VAMP1: variants seen among roughly 807,000 people sequenced by gnomAD.
VAMP1 encodes vesicle-associated membrane protein 1.
VAMP1 carries 16 observed loss-of-function variants against 19.1 expected under a neutral mutation model. The ratio of observed to expected loss-of-function variants is 0.84; its 90% confidence interval spans 0.57 to 1.27. The LOEUF (loss-of-function observed/expected upper bound fraction) is 1.27, where lower values mean the gene tolerates loss of function less well. Ranked by LOEUF, VAMP1 falls within the 50% of genes most tolerant of loss-of-function variation. The pLI, the probability that VAMP1 is intolerant of heterozygous loss-of-function variation, is 0.00. For synonymous variants in VAMP1, 37 were observed against 50.2 expected, an observed-to-expected ratio of 0.74 and a Z score of 1.11; for missense variants, 109 against 145.4, an observed-to-expected ratio of 0.75 and a Z score of 1.29.
At position 6,463,896 on chromosome 12, in the gene VAMP1, TAACTA is replaced by T. The variant is rs1485331581; in HGVS notation, c.*569_*573del. On this transcript the variant is annotated 3_prime_UTR_variant, in exon 5 of 5. Transcript: ENST00000396308. The surrounding 1 kb of genome is among the most constrained non-coding windows in gnomAD (Gnocchi z 4.0). ...AAATCCTGGACGAACAGATTAGAAA[TAACTA>T]CAAAAAACAAGTTTTTACTTTCGAA... is the stretch of plus-strand genomic sequence containing the variant. 1.2e-5 allele frequency: 16 copies of T among 1,285,154 alleles called. No individual in the cohort carries two copies. In the African/African-American group the frequency reaches 2.4e-4, roughly 20 times the overall value. The allele number at this position is 1,285,154 out of a possible 1,614,324, so 79.6% of individuals were successfully genotyped here.
intron 4 of VAMP1, 91 bp from the exon 5 acceptor site, chr12:6,464,577 A>G: frequency 6.8e-7 from 1 of 1,463,728 alleles, no homozygotes; most frequent in East Asian, 2.5e-5. Context: ...CCAGACATTC[A>G]GGTCTCTCCA....
intron 3 of VAMP1, 109 bp downstream of exon 3, chr12:6,465,733 C>T: frequency 7.0e-7 from 1 of 1,420,540 alleles, no homozygotes; most frequent in East Asian, 2.4e-5. Flanking sequence ...TTATGCTGGT[C>T]AGAGAGATCC....
Position 6,462,427 on chromosome 12 carries a change from C to G in VAMP1, c.*2043G>C, listed in dbSNP as rs532404500. The stretch of plus-strand genomic sequence containing the variant: ...AACCCCACATCGTCTCATGGCAAAC[C>G]GAAGAACGGGATGTGGGAAGCTCAG... On this transcript the variant is annotated 3_prime_UTR_variant, in exon 5 of 5. Coordinates refer to ENST00000396308, the MANE Select transcript of VAMP1 (RefSeq NM_014231.5). The G allele has an allele frequency of 6.2e-6, 3 of 486,900 alleles. No homozygotes were observed. The highest frequency in any genetic ancestry group is 1.1e-3 in the Middle Eastern group (2 of 1,900). The allele number at this position is 486,900 out of a possible 1,614,324, so 30.2% of individuals were successfully genotyped here.
chr12:6,470,414 T>G, intron 1 of VAMP1, 116 bp downstream of exon 1: 2 of 1,486,360 alleles, frequency 1.3e-6, no homozygotes, highest in Non-Finnish European at 1.9e-6. Flanking sequence ...CGCGCGGTGG[T>G]AGTTCCCCGC....
chr12:6,469,179 A>C (rs1179078106), intron 1 of VAMP1, among the ~76,000 whole-genome samples: 2 of 152,220 alleles, frequency 1.3e-5, no homozygotes, highest in Non-Finnish European at 2.9e-5. Context: ...AGATAGACAC[A>C]AAGTCATGGG....
Position 6,462,688 on chromosome 12 carries a change from C to T in VAMP1, c.*1782G>A, listed in dbSNP as rs1467232138. On this transcript the variant is annotated 3_prime_UTR_variant, in exon 5 of 5. Transcript: ENST00000396308. ...GCTGGGAGAGCCAAGAGGACGGATTCGCTCCAGGCTTGGGACACATCGAGG... is the reference window on the plus strand; with the variant it reads ...GCTGGGAGAGCCAAGAGGACGGATTTGCTCCAGGCTTGGGACACATCGAGG... 2.2e-5 allele frequency: 20 copies of T among 889,554 alleles called. No individual in the cohort carries two copies. Among genetic ancestry groups the T allele is most frequent in the Non-Finnish European group, 3.1e-5 (18 of 588,196 alleles). The allele number at this position is 889,554 out of a possible 1,614,324, so 55.1% of individuals were successfully genotyped here.
Position 6,462,936 on chromosome 12 carries a change from T to C in VAMP1, c.*1534A>G, listed in dbSNP as rs1396308286. 6.4e-7 allele frequency: 1 copy of C among 1,557,464 alleles called. No individual in the cohort carries two copies. Among genetic ancestry groups the C allele is most frequent in the Non-Finnish European group, 8.7e-7 (1 of 1,150,308 alleles). Reference sequence around the variant, plus strand: ...AATGCTGCTGCATGGAAAGTGGGCATCCAGACCCTGCCCAGCATGGCCTCA... The same window carrying C: ...AATGCTGCTGCATGGAAAGTGGGCACCCAGACCCTGCCCAGCATGGCCTCA... On this transcript the variant is annotated 3_prime_UTR_variant, in exon 5 of 5. Transcript: ENST00000396308.
At chr12:6,470,435 C>G in intron 1 of VAMP1, 95 bp downstream of exon 1, 1 of 1,577,910 alleles carries the variant, frequency 6.3e-7, no homozygotes, top group Non-Finnish European at 8.7e-7. Flanking sequence ...GTTGCTGCAG[C>G]TGCTGCATTG....
intron 4 of VAMP1, 35 bp from the exon 5 acceptor site, chr12:6,464,521 A>C: frequency 6.8e-7 from 1 of 1,479,840 alleles, no homozygotes; most frequent in Non-Finnish European, 9.0e-7. Flanking sequence ...CAGACGGAAA[A>C]GAGAAAGAGA....
At chr12:6,469,460 G>C (rs1425333168) in intron 1 of VAMP1, among the ~76,000 whole-genome samples, 3 of 152,112 alleles carry the variant, frequency 2.0e-5, no homozygotes, top group Non-Finnish European at 4.4e-5. Flanking sequence ...AAAATGCATA[G>C]AACACTCATA....
chr12:6,465,938 C>T lies in VAMP1; in HGVS notation c.192G>A (p.Glu64=), dbSNP rs777303095. Residue 64 remains glutamate (E), a synonymous_variant, in exon 3 of 5, where the codon GAG becomes GAA. Transcript: ENST00000396308. The part of the protein sequence containing the change: ...KVLERDQKLS[E]LDDRADALQA... ...GCAAGGCATCAGCTCGGTCATCCAG[C>T]TCTGACAGCTTCTGGTCCCTCTCCA... 5 of 1,614,286 alleles carry T rather than the reference C, an allele frequency of 3.1e-6. No homozygotes were observed. The highest frequency in any genetic ancestry group is 4.2e-6 in the Non-Finnish European group (5 of 1,180,050).
At position 6,463,271 on chromosome 12, in the gene VAMP1, C is replaced by T. The variant is rs1949927535; in HGVS notation, c.*1199G>A. 2 of 1,337,874 alleles carry T rather than the reference C, an allele frequency of 1.5e-6. No individual in the cohort carries two copies. The highest frequency in any genetic ancestry group is 1.9e-6 in the Non-Finnish European group (2 of 1,040,886). The allele number at this position is 1,337,874 out of a possible 1,614,324, so 82.9% of individuals were successfully genotyped here. On this transcript the variant is annotated 3_prime_UTR_variant, in exon 5 of 5. Transcript: ENST00000396308. This position sits in a 1 kb window ranked among gnomAD's most constrained non-coding sequence, Gnocchi z 4.0. Reference sequence around the variant, plus strand: ...GAGGCGGCTCTCAAGGAGAGGGCCCCATGACAGCACAGCAATACACAAGCA... The same window carrying T: ...GAGGCGGCTCTCAAGGAGAGGGCCCTATGACAGCACAGCAATACACAAGCA...
chr12:6,467,896 T>G (rs993905047), intron 1 of VAMP1, among the ~76,000 whole-genome samples: 1 of 152,242 alleles, frequency 6.6e-6, no homozygotes, highest in Non-Finnish European at 1.5e-5. Flanking sequence ...AGCTTCCACA[T>G]GGTGTTGAGC....
intron 1 of VAMP1, chr12:6,467,130 T>A (rs1370475980): frequency 6.1e-6 from 1 of 163,398 alleles, no homozygotes; most frequent in African/African-American, 2.4e-5. Context: ...CCTCTTTTTC[T>A]TCCCAGTCTT....
Position 6,470,668 on chromosome 12 carries a change from G to A in VAMP1, c.-137C>T, listed in dbSNP as rs1257566224. 4.4e-6 allele frequency: 5 copies of A among 1,128,766 alleles called. No individual in the cohort carries two copies. Among genetic ancestry groups the A allele is most frequent in the Admixed American group, 2.0e-5 (1 of 50,344 alleles). The allele number at this position is 1,128,766 out of a possible 1,614,324, so 69.9% of individuals were successfully genotyped here. ...GACTACCCCGCGGTCTAGCTGCGCT[G>A]GAACTTACTGCAGCTGCCGCGCCGG... On this transcript the variant is annotated 5_prime_UTR_variant, in exon 1 of 5. Coordinates refer to ENST00000396308, the MANE Select transcript of VAMP1 (RefSeq NM_014231.5).
intron 3 of VAMP1, chr12:6,465,358 G>GTATATATATATAAATGTATATATA (rs1949978079): frequency 1.4e-5 from 2 of 146,490 alleles, no homozygotes; most frequent in African/African-American, 1.2e-4. Context: ...AAAGAAAAAA[G>GTATATATATATAAATGTATATATA]TATATATATA....
rs758768912 is a variant in VAMP1 at position 6,464,145 on chromosome 12, C to A, written c.*325G>T. The A allele has an allele frequency of 2.9e-6, 4 of 1,389,674 alleles. No individual in the cohort carries two copies. The South Asian group carries it at 4.9e-5, about 17-fold the overall frequency. The allele number at this position is 1,389,674 out of a possible 1,614,324, so 86.1% of individuals were successfully genotyped here. A position where few individuals can be genotyped will look rare whatever the true frequency, so the allele number is the denominator to read the frequency against. On this transcript the variant is annotated 3_prime_UTR_variant, in exon 5 of 5. Coordinates refer to ENST00000396308, the MANE Select transcript of VAMP1 (RefSeq NM_014231.5). ...AGTCTGGGCAGCTTCATGGGTACTT[C>A]GCCTCAGCCACTCCCCTCCCTGCCC...
chr12:6,470,083 G>A (rs1335610730), intron 1 of VAMP1, among the ~76,000 whole-genome samples: 1 of 152,150 alleles, frequency 6.6e-6, no homozygotes, highest in Admixed American at 6.5e-5. Context: ...CAAATCCAGA[G>A]ATTGTAGGGC....
In VAMP1 at chr12:6,463,058, C is replaced by T. The variant is rs575169727; in HGVS notation, c.*1412G>A. The T allele has an allele frequency of 3.6e-5, 56 of 1,540,266 alleles. No homozygotes were observed. The African/African-American group carries it at 7.0e-4, about 19-fold the overall frequency. ...CTGCCCTCCTCCCCTTGCACCTGGGCTTATCCCACATTAATAGCCCATCCT... is the reference window on the plus strand; with the variant it reads ...CTGCCCTCCTCCCCTTGCACCTGGGTTTATCCCACATTAATAGCCCATCCT... On this transcript the variant is annotated 3_prime_UTR_variant, in exon 5 of 5. Coordinates refer to ENST00000396308, the MANE Select transcript of VAMP1 (RefSeq NM_014231.5). This position sits in a 1 kb window ranked among gnomAD's most constrained non-coding sequence, Gnocchi z 4.0.
Sources: gnomAD v4.1 joint callset for allele counts (sites outside exome capture counted in the v4.1 genomes callset) on GRCh38, gnomAD v4.1.1 for gene constraint, Gnocchi (gnomAD v3.1) non-coding constraint, MANE v1.5 for transcripts, NCBI Gene and HGNC (gene_info 2026-07-23, HGNC 2026-07-21) for gene names.